The following TEX26 variants were observed in gnomAD, a reference collection of about 807,000 sequenced individuals.
TEX26 encodes the protein testis-expressed protein 26.
TEX26 carries 34 observed loss-of-function variants against 35.3 expected under a neutral mutation model. The ratio of observed to expected loss-of-function variants is 0.96; its 90% confidence interval spans 0.73 to 1.28. The LOEUF is 1.28. TEX26 is among the 50% of genes most tolerant of loss of function. The pLI is 0.00. For missense variants in TEX26, 371 were observed against 330.1 expected, an observed-to-expected ratio of 1.12 and a Z score of -0.96; for synonymous variants, 136 against 111.8, an observed-to-expected ratio of 1.22 and a Z score of -1.36.
intron 3 of TEX26, among the ~76,000 whole-genome samples, chr13:30,954,913 G>A (rs1321163172): frequency 1.3e-5 from 2 of 152,322 alleles, no homozygotes; most frequent in East Asian, 3.9e-4. Flanking sequence ...ATGAGAGCTA[G>A]TGTGGCTGAC....
In TEX26 at chr13:30,958,108, C is replaced by A. The variant is rs533134597; in HGVS notation, c.469+1079C>A. Among the ~76,000 whole-genome samples, 3 of 152,324 alleles carry A rather than the reference C, an allele frequency of 2.0e-5. No individual in the cohort carries two copies. The East Asian group carries it at 5.8e-4, about 29-fold the overall frequency. ...TCCCCTGTGAGAATCTAGATTCTCTCATGCTTCACCTGGCTCTGCCCTTAG... is the reference window on the plus strand; with the variant it reads ...TCCCCTGTGAGAATCTAGATTCTCTAATGCTTCACCTGGCTCTGCCCTTAG... On this transcript the variant is annotated intron_variant, in intron 4 of 6. Coordinates refer to ENST00000380473, the MANE Select transcript of TEX26 (RefSeq NM_152325.3).
At chr13:30,936,007 T>C (rs1953260514) in intron 1 of TEX26, among the ~76,000 whole-genome samples, 1 of 152,234 alleles carries the variant, frequency 6.6e-6, no homozygotes, top group Non-Finnish European at 1.5e-5. Context: ...GATGATTTCC[T>C]AATCTCGAAA....
At chr13:30,974,729 C>A in intron 6 of TEX26, 117 bp from the exon 7 acceptor site, 3 of 1,068,446 alleles carry the variant, frequency 2.8e-6, no homozygotes, top group Non-Finnish European at 3.9e-6. Flanking sequence ...TTTGGTCTTA[C>A]CAAATTTGTG....
At position 30,953,930 on chromosome 13, in the gene TEX26, G is replaced by T. The variant is rs143110188; in HGVS notation, c.312+1105G>T. 2.2e-3 allele frequency among the ~76,000 whole-genome samples: 341 copies of T among 152,298 alleles called. 2 individuals are homozygous for T. Among genetic ancestry groups the T allele is most frequent in the African/African-American group, 7.6e-3 (317 of 41,562 alleles). ...AATGAACAGGATTTGATGACTAAAA[G>T]GATGCAAAGGATAAGGAAGAGGAAA... On this transcript the variant is annotated intron_variant, in intron 3 of 6. Transcript: ENST00000380473.
rs545814686 is a variant in TEX26 at position 30,969,606 on chromosome 13, GA to G, written c.808+561del. On this transcript the variant is annotated intron_variant, in intron 6 of 6. Transcript: ENST00000380473. ...TCTTAGGGGCAACAGGTCAGTCTGA[GA>G]GTGTATAAAATGTGAACTCAGAGAA... Among the ~76,000 whole-genome samples the G allele has an allele frequency of 4.9e-3, 747 of 152,258 alleles. 7 individuals are homozygous for G. Among genetic ancestry groups the G allele is most frequent in the African/African-American group, 0.017 (704 of 41,556 alleles).
At chr13:30,942,992 G>A (rs765731063) in intron 2 of TEX26, among the ~76,000 whole-genome samples, 2 of 152,028 alleles carry the variant, frequency 1.3e-5, no homozygotes, top group Non-Finnish European at 2.9e-5. Context: ...GGTTCTGTAT[G>A]AATTTTAGAA....
At chr13:30,957,151 C>G in intron 4 of TEX26, 122 bp downstream of exon 4, 2 of 983,792 alleles carry the variant, frequency 2.0e-6, no homozygotes, top group Non-Finnish European at 2.9e-6. Context: ...TGGAGACAGG[C>G]GACTTTGCAA....
At chr13:30,972,549 G>A (rs1052167398) in intron 6 of TEX26, among the ~76,000 whole-genome samples, 1 of 152,198 alleles carries the variant, frequency 6.6e-6, no homozygotes, top group Non-Finnish European at 1.5e-5. Context: ...AAATATCAAT[G>A]AGAGGAAGCA....
intron 2 of TEX26, among the ~76,000 whole-genome samples, chr13:30,949,085 GT>G (rs1420961283): frequency 2.0e-5 from 3 of 152,120 alleles, no homozygotes; most frequent in African/African-American, 7.2e-5. Context: ...GCTCTGTTCT[GT>G]TCCATTGGTC....
At chr13:30,955,665 A>C (rs1443495277) in intron 3 of TEX26, among the ~76,000 whole-genome samples, 1 of 152,246 alleles carries the variant, frequency 6.6e-6, no homozygotes, top group Non-Finnish European at 1.5e-5. Context: ...TAGGAGAAAT[A>C]AACGCATTCT....
At chr13:30,964,410 T>C (rs1174099349) in intron 4 of TEX26, among the ~76,000 whole-genome samples, 2 of 152,228 alleles carry the variant, frequency 1.3e-5, no homozygotes, top group Admixed American at 6.5e-5. Context: ...TAGATATCTT[T>C]GTATTCACGC....
At chr13:30,960,504 C>A (rs1476609550) in intron 4 of TEX26, among the ~76,000 whole-genome samples, 1 of 152,190 alleles carries the variant, frequency 6.6e-6, no homozygotes, top group African/African-American at 2.4e-5. Context: ...CTCAGCCTCC[C>A]AAAGTGCTAG....
rs542970235 is a variant in TEX26, at chr13:30,953,213, C to A, written c.312+388C>A. 2.0e-5 allele frequency among the ~76,000 whole-genome samples: 3 copies of A among 152,292 alleles called. No individual in the cohort carries two copies. The South Asian group carries it at 6.2e-4, about 32-fold the overall frequency. ...TTAAGCAATTACCCCCGACTCCACT[C>A]CCCACCGTCTGCTTTCTATGTCCGT... is the stretch of plus-strand genomic sequence containing the variant. On this transcript the variant is annotated intron_variant, in intron 3 of 6. Transcript: ENST00000380473.
chr13:30,967,352 C>T lies in TEX26; in HGVS notation c.646+954C>T, dbSNP rs147736212. 8.1e-3 allele frequency among the ~76,000 whole-genome samples: 1,234 copies of T among 152,272 alleles called. 14 individuals carry two copies. The highest frequency in any genetic ancestry group is 0.016 in the South Asian group (79 of 4,820). ...TGACTCTTCCTGACTCCATCCTTGC[C>T]AAGGGGTGACAGTGCCCCTGTGTAT... On this transcript the variant is annotated intron_variant, in intron 5 of 6. Coordinates refer to ENST00000380473, the MANE Select transcript of TEX26 (RefSeq NM_152325.3).
chr13:30,968,067 C>G (rs913255070), intron 5 of TEX26, among the ~76,000 whole-genome samples: 1 of 152,204 alleles, frequency 6.6e-6, no homozygotes, highest in African/African-American at 2.4e-5. Flanking sequence ...CAAACTTCCT[C>G]TTTACCCTCT....
At chr13:30,944,715 G>A (rs1593547870) in intron 2 of TEX26, among the ~76,000 whole-genome samples, 2 of 152,042 alleles carry the variant, frequency 1.3e-5, no homozygotes, top group South Asian at 4.1e-4. Context: ...AATCATGCAG[G>A]AGCAGATTGT....
chr13:30,969,091 T>C, intron 6 of TEX26, 45 bp downstream of exon 6: 1 of 1,517,974 alleles, frequency 6.6e-7, no homozygotes, highest in South Asian at 1.3e-5. Context: ...CACAATACAT[T>C]GCTTTTGCCA....
At chr13:30,968,067 C>A (rs913255070) in intron 5 of TEX26, among the ~76,000 whole-genome samples, 1 of 152,204 alleles carries the variant, frequency 6.6e-6, no homozygotes, top group African/African-American at 2.4e-5. Context: ...CAAACTTCCT[C>A]TTTACCCTCT....
intron 5 of TEX26, 90 bp from the exon 6 acceptor site, chr13:30,968,795 G>A: frequency 1.6e-6 from 2 of 1,237,570 alleles, no homozygotes; most frequent in Non-Finnish European, 2.3e-6. Flanking sequence ...TGGGCTGGGG[G>A]CTGTCAGGGT....
Sources: allele counts gnomAD v4.1 joint callset (sites outside exome capture counted in the v4.1 genomes callset), GRCh38; gene constraint gnomAD v4.1.1; transcripts MANE v1.5; gene names NCBI Gene and HGNC (gene_info 2026-07-23, HGNC 2026-07-21).